The following LRP1B variants were observed in gnomAD, a reference collection of about 807,000 sequenced individuals.
LRP1B encodes the protein low-density lipoprotein receptor-related protein 1B.
Under a neutral mutation model 556.6 loss-of-function variants are expected in LRP1B, and 217 were observed. The observed-to-expected ratio is 0.39, with a 90% confidence interval of 0.35 to 0.44. LRP1B has a LOEUF of 0.44. LRP1B is among the 20% of genes least tolerant of loss of function. The probability of loss-of-function intolerance (pLI) is 1.00; values close to 1 mark genes in which losing one functional copy is unlikely to be tolerated. For missense variants in LRP1B, 5,053 were observed against 5,620.8 expected, an observed-to-expected ratio of 0.90 and a Z score of 3.23; for synonymous variants, 2,047 against 1,865.8, an observed-to-expected ratio of 1.10 and a Z score of -2.50.
intron 1 of LRP1B, among the ~76,000 whole-genome samples, chr2:142,129,384 G>C (rs1193189554): frequency 1.3e-5 from 2 of 152,180 alleles, no homozygotes; most frequent in African/African-American, 4.8e-5. Flanking sequence ...AACACGTGTA[G>C]GTATGTTACA....
intron 1 of LRP1B, among the ~76,000 whole-genome samples, chr2:141,955,204 C>T (rs1701212635): frequency 6.6e-6 from 1 of 152,098 alleles, no homozygotes; most frequent in Admixed American, 6.6e-5. Flanking sequence ...GTACTAAATA[C>T]TACATTCCTC....
At chr2:141,206,788 C>T (rs1558932461) in intron 6 of LRP1B, among the ~76,000 whole-genome samples, 1 of 152,054 alleles carries the variant, frequency 6.6e-6, no homozygotes, top group Non-Finnish European at 1.5e-5. Flanking sequence ...AATTGGCAAG[C>T]AGAAGTGAGA....
rs565672182 is a variant in LRP1B, at chr2:140,444,363, C to T, written c.10261G>A (p.Asp3421Asn). The change falls in exon 65 of 91, where the codon GAC (aspartate) becomes AAC (asparagine). Residue 3421 changes from aspartate to asparagine, a missense_variant. This residue lies in a region of LRP1B where 262 missense variants were observed against 395.1 expected (regional missense o/e 0.66). Transcript: ENST00000389484. ...PVNLRCNGQDDCGDEEDERDC... is the reference protein window; with the variant it reads ...PVNLRCNGQDNCGDEEDERDC... Reference sequence around the variant, plus strand: ...CTTTCATCTTCCTCATCACCACAGTCATCTTGCCCATTACATCTTAAGTTT... The same window carrying T: ...CTTTCATCTTCCTCATCACCACAGTTATCTTGCCCATTACATCTTAAGTTT... 3.1e-6 allele frequency: 5 copies of T among 1,613,920 alleles called. No individual in the cohort carries two copies. In the South Asian group the frequency reaches 3.3e-5, roughly 11 times the overall value.
chr2:140,351,216 T>C (rs1224742701), intron 76 of LRP1B, among the ~76,000 whole-genome samples, 178 bp from the exon 77 acceptor site: 1 of 152,076 alleles, frequency 6.6e-6, no homozygotes, highest in African/African-American at 2.4e-5. Context: ...TACTCACTTA[T>C]CTAAACATTT....
intron 7 of LRP1B, among the ~76,000 whole-genome samples, chr2:141,100,464 C>T (rs1028055325): frequency 2.0e-5 from 3 of 152,094 alleles, no homozygotes; most frequent in African/African-American, 4.8e-5. Flanking sequence ...ATAAAGAGGG[C>T]TAGAAAGTGT....
At chr2:141,628,438 A>G (rs1688780532) in intron 2 of LRP1B, among the ~76,000 whole-genome samples, 1 of 152,142 alleles carries the variant, frequency 6.6e-6, no homozygotes, top group Non-Finnish European at 1.5e-5. Context: ...GTAAACAATG[A>G]ATAGGATGTA....
intron 41 of LRP1B, among the ~76,000 whole-genome samples, chr2:140,674,103 C>T (rs936428764): frequency 6.6e-6 from 1 of 151,910 alleles, no homozygotes; most frequent in Admixed American, 6.6e-5. Flanking sequence ...CGCCCACCAC[C>T]ACGCCTGGCT....
chr2:141,419,017 T>C (rs1680041214), intron 3 of LRP1B, among the ~76,000 whole-genome samples: 1 of 152,122 alleles, frequency 6.6e-6, no homozygotes, highest in Non-Finnish European at 1.5e-5. Flanking sequence ...ATATTACTTT[T>C]TTTGAGTCTT....
chr2:141,626,928 C>G (rs1688721553), intron 2 of LRP1B, among the ~76,000 whole-genome samples: 2 of 152,154 alleles, frequency 1.3e-5, no homozygotes, highest in African/African-American at 4.8e-5. Flanking sequence ...CCGTATGATT[C>G]AACATTTCTG....
intron 2 of LRP1B, among the ~76,000 whole-genome samples, chr2:141,740,408 G>C (rs1162311177): frequency 6.6e-6 from 1 of 152,108 alleles, no homozygotes; most frequent in East Asian, 1.9e-4. Flanking sequence ...TGGGGCAAAA[G>C]CCAGTGTACT....
At chr2:141,069,078 A>G (rs1198696841) in intron 7 of LRP1B, among the ~76,000 whole-genome samples, 2 of 152,182 alleles carry the variant, frequency 1.3e-5, no homozygotes, top group Non-Finnish European at 2.9e-5. Context: ...TTTAAATTCA[A>G]TATATTACTC....
intron 2 of LRP1B, among the ~76,000 whole-genome samples, chr2:141,745,218 G>A (rs1693867868): frequency 6.6e-6 from 1 of 151,992 alleles, no homozygotes; most frequent in East Asian, 1.9e-4. Context: ...AAGACCCCAG[G>A]GCTCTACAAT....
intron 23 of LRP1B, among the ~76,000 whole-genome samples, chr2:140,893,449 A>G (rs1693858142): frequency 6.6e-6 from 1 of 152,188 alleles, no homozygotes; most frequent in Non-Finnish European, 1.5e-5. Flanking sequence ...AGTATTATGT[A>G]AATGCTCCTG....
intron 2 of LRP1B, among the ~76,000 whole-genome samples, chr2:141,795,319 A>G (rs1320676385): frequency 6.6e-6 from 1 of 152,006 alleles, no homozygotes; most frequent in Non-Finnish European, 1.5e-5. Context: ...AAAAATCCAC[A>G]CATATATCAA....
chr2:140,448,595 A>T (rs1362415850), intron 63 of LRP1B, among the ~76,000 whole-genome samples: 2 of 152,086 alleles, frequency 1.3e-5, no homozygotes, highest in Non-Finnish European at 2.9e-5. Context: ...TGGTTACCAG[A>T]GGCTGGAGAT....
At chr2:141,205,357 T>G (rs1386609536) in intron 6 of LRP1B, among the ~76,000 whole-genome samples, 2 of 152,326 alleles carry the variant, frequency 1.3e-5, no homozygotes, top group Non-Finnish European at 2.9e-5. Context: ...TGACTCTCCA[T>G]GTAATTCTGT....
At chr2:141,381,926 T>C (rs1689657340) in intron 3 of LRP1B, among the ~76,000 whole-genome samples, 1 of 151,616 alleles carries the variant, frequency 6.6e-6, no homozygotes, top group East Asian at 1.9e-4. Flanking sequence ...CCTCAGAATT[T>C]AGGTACAAGA....
intron 3 of LRP1B, among the ~76,000 whole-genome samples, chr2:141,337,636 G>C (rs796923993): frequency 3.9e-5 from 6 of 151,988 alleles, no homozygotes; most frequent in African/African-American, 1.5e-4. Flanking sequence ...TGAATATTTT[G>C]CCCAGGTTAT....
chr2:141,681,704 T>C (rs1045238975), intron 2 of LRP1B, among the ~76,000 whole-genome samples: 1 of 152,174 alleles, frequency 6.6e-6, no homozygotes, highest in East Asian at 1.9e-4. Flanking sequence ...GAAAGAATAC[T>C]TGATAGAGTC....
Sources: gnomAD v4.1 joint callset for allele counts (sites outside exome capture counted in the v4.1 genomes callset) on GRCh38, gnomAD v4.1.1 for gene constraint, gnomAD v4.1.1 regional missense constraint, MANE v1.5 for transcripts, NCBI Gene and HGNC (gene_info 2026-07-23, HGNC 2026-07-21) for gene names.